GIGYF2: variants seen among roughly 807,000 people sequenced by gnomAD.
GIGYF2 encodes GRB10 interacting GYF protein 2.
In GIGYF2, 25 loss-of-function variants were observed where a neutral mutation model predicts 208.1. The ratio of observed to expected loss-of-function variants is 0.12; its 90% CI spans 0.09 to 0.17. GIGYF2 has a LOEUF of 0.17. Ranked by LOEUF, GIGYF2 falls within the 10% of genes least tolerant of loss-of-function variation. The probability of loss-of-function intolerance (pLI) is 1.00; values close to 1 mark genes in which losing one functional copy is unlikely to be tolerated. For synonymous variants in GIGYF2, 534 were observed against 543.8 expected (o/e 0.98, Z 0.25); for missense variants, 1,302 against 1,579.4 (o/e 0.82, Z 2.98).
intron 2 of GIGYF2, among the ~76,000 whole-genome samples, chr2:232,714,060 C>G (rs1696558305): frequency 6.6e-6 from 1 of 151,806 alleles, no homozygotes; most frequent in Non-Finnish European, 1.5e-5. Context: ...TGCCATTCTC[C>G]TGCCTCAGCC....
intron 21 of GIGYF2, among the ~76,000 whole-genome samples, chr2:232,820,779 A>G (rs772641009): frequency 6.6e-6 from 1 of 152,052 alleles, no homozygotes; most frequent in African/African-American, 2.4e-5. Flanking sequence ...GCGTAAATGT[A>G]TGGATTTATT....
intron 8 of GIGYF2, among the ~76,000 whole-genome samples, chr2:232,785,316 T>C (rs1699875876): frequency 6.6e-6 from 1 of 152,180 alleles, no homozygotes; most frequent in African/African-American, 2.4e-5. Context: ...TTAGCCTAGC[T>C]GGGTGGTTCT....
In GIGYF2 at chr2:232,847,396, T is replaced by G. The variant is rs1702043522; in HGVS notation, c.3509T>G (p.Val1170Gly). 6.2e-7 allele frequency: 1 copy of G among 1,612,140 alleles called. No homozygotes were observed. The highest frequency in any genetic ancestry group is 8.5e-7 in the Non-Finnish European group (1 of 1,178,294). The change falls in exon 27 of 29, where the codon GTC (valine) becomes GGC (glycine). Residue 1170 changes from valine to glycine, a missense_variant. By Grantham distance (109) the Val-to-Gly change is moderately radical. Around this residue, in one of 8 missense-constraint regions of GIGYF2, gnomAD observed 701 missense variants for 793.0 expected, o/e 0.88. Coordinates refer to ENST00000373563, the MANE Select transcript of GIGYF2 (RefSeq NM_001103146.3). ...AAAGAAGTAGAATCTCCTTATGAGGTCCATGATTATATCAGGGCCTATTTA... is the reference window on the plus strand; with the variant it reads ...AAAGAAGTAGAATCTCCTTATGAGGGCCATGATTATATCAGGGCCTATTTA... The part of the protein sequence containing the change: ...FLKEVESPYE[V>G]HDYIRAYLGD...
chr2:232,778,899 T>C (rs1574873723), intron 8 of GIGYF2, among the ~76,000 whole-genome samples: 1 of 152,308 alleles, frequency 6.6e-6, no homozygotes, highest in East Asian at 1.9e-4. Context: ...TAATCTCTTA[T>C]GTGATAAGGT....
intron 3 of GIGYF2, among the ~76,000 whole-genome samples, chr2:232,745,135 T>C (rs1344825659): frequency 6.6e-6 from 1 of 152,142 alleles, no homozygotes; most frequent in Non-Finnish European, 1.5e-5. Context: ...GACCATTCCT[T>C]TGTGGGTATG....
chr2:232,756,117 A>C, intron 5 of GIGYF2, 106 bp from the exon 6 acceptor site: 1 of 672,130 alleles, frequency 1.5e-6, no homozygotes, highest in Non-Finnish European at 2.6e-6. Flanking sequence ...CTTTTTATAG[A>C]TGCAGTAGGA....
intron 22 of GIGYF2, among the ~76,000 whole-genome samples, chr2:232,834,851 G>C (rs1479387115): frequency 6.6e-6 from 1 of 151,664 alleles, no homozygotes; most frequent in Non-Finnish European, 1.5e-5. Flanking sequence ...TTAACTAAAA[G>C]TTTTTTATAT....
At chr2:232,815,597 A>C in intron 18 of GIGYF2, 40 bp from the exon 19 acceptor site, 3 of 1,061,542 alleles carry the variant, frequency 2.8e-6, no homozygotes, top group Non-Finnish European at 4.4e-6. Context: ...CATGTGTGTA[A>C]GCTCTGTCAT....
chr2:232,706,945 CAAAAAAAAAAAAA>C (rs10612508), intron 2 of GIGYF2, among the ~76,000 whole-genome samples: 1 of 109,470 alleles, frequency 9.1e-6, no homozygotes, highest in Admixed American at 9.6e-5. Context: ...GACCTTGTCT[CAAAAAAAAAAAAA>C]AAAAAAAATT....
intron 16 of GIGYF2, 71 bp downstream of exon 16, chr2:232,809,882 C>G (rs1217833212): frequency 2.2e-6 from 2 of 906,756 alleles, no homozygotes; most frequent in South Asian, 2.6e-5. Context: ...GCTCTCAAGT[C>G]TCACCTTTTA....
intron 2 of GIGYF2, among the ~76,000 whole-genome samples, chr2:232,713,939 ATTTTTTTTTTTTCTCT>A (rs1023818204): frequency 7.4e-6 from 1 of 135,822 alleles, no homozygotes; most frequent in African/African-American, 2.7e-5. Flanking sequence ...TGAGGAACTG[ATTTTTTTTTTTTCTCT>A]TTTTTTTTTT....
chr2:232,764,839 CGTT>C (rs1313343671), intron 8 of GIGYF2, among the ~76,000 whole-genome samples: 1 of 152,034 alleles, frequency 6.6e-6, no homozygotes, highest in African/African-American at 2.4e-5. Context: ...CAAGTTTAGT[CGTT>C]GTTATTTGTG....
rs558462875 is a variant in GIGYF2, at chr2:232,718,646, G to A, written c.-44+15157G>A. On this transcript the variant is annotated intron_variant, in intron 2 of 28. Coordinates refer to ENST00000373563, the MANE Select transcript of GIGYF2 (RefSeq NM_001103146.3). ...ATACAGTTTAGATTTAATGGATATT[G>A]CCAATTCTTTTTGAAGTAGTTGAAC... Among the ~76,000 whole-genome samples, 145 of 152,282 alleles carry A rather than the reference G, an allele frequency of 9.5e-4. 1 individual carries two copies. The highest frequency in any genetic ancestry group is 3.3e-3 in the African/African-American group (139 of 41,554).
At chr2:232,838,248 G>GTATGTA (rs1027320682) in intron 22 of GIGYF2, among the ~76,000 whole-genome samples, 8 of 152,090 alleles carry the variant, frequency 5.3e-5, no homozygotes, top group Non-Finnish European at 8.8e-5. Flanking sequence ...AAGAGCGTGT[G>GTATGTA]TATGTATATG....
chr2:232,781,173 G>T (rs1699705771), intron 8 of GIGYF2, among the ~76,000 whole-genome samples: 1 of 151,964 alleles, frequency 6.6e-6, no homozygotes, highest in Non-Finnish European at 1.5e-5. Context: ...TGGCCAGGCT[G>T]GTCTCGAACT....
intron 2 of GIGYF2, among the ~76,000 whole-genome samples, chr2:232,732,530 G>C (rs74352004): frequency 6.6e-6 from 1 of 151,920 alleles, no homozygotes; most frequent in Non-Finnish European, 1.5e-5. Flanking sequence ...AACACAACTC[G>C]CACCCAGCCA....
intron 28 of GIGYF2, among the ~76,000 whole-genome samples, chr2:232,852,081 TGA>T (rs571540623): frequency 7.6e-4 from 116 of 152,204 alleles, no homozygotes; most frequent in African/African-American, 2.7e-3. Context: ...TTGACTGGGT[TGA>T]GTTTGAAATG....
At position 232,791,080 on chromosome 2, in the gene GIGYF2, T is replaced by G; in HGVS notation, c.1003T>G (p.Ser335Ala). The G allele has an allele frequency of 6.2e-7, 1 of 1,613,980 alleles. No homozygotes were observed. Among genetic ancestry groups the G allele is most frequent in the Non-Finnish European group, 8.5e-7 (1 of 1,179,912 alleles). ...GCCTGTGGACGAAGGGGAGGAGTGCTCTGACTCTGAGGGTAGCCATAATGA... is the reference window on the plus strand; with the variant it reads ...GCCTGTGGACGAAGGGGAGGAGTGCGCTGACTCTGAGGGTAGCCATAATGA... The part of the protein sequence containing the change: ...FRPVDEGEEC[S>A]DSEGSHNEEA... Residue 335 changes from serine (S) to alanine (A), a missense_variant, in exon 11 of 29, where the codon TCT becomes GCT. This residue lies in a region of GIGYF2 where 235 missense variants were observed against 218.8 expected (regional missense o/e 1.07). Transcript: ENST00000373563.
rs188420163 is a variant in GIGYF2, at chr2:232,798,346, A to T, written c.1639+2125A>T. On this transcript the variant is annotated intron_variant, in intron 14 of 28. Coordinates refer to ENST00000373563, the MANE Select transcript of GIGYF2 (RefSeq NM_001103146.3). ...TCTGGGTTGTTAAAGTTTTGGGGCTATAATGAATAAAGCTGCTATAAACAT... is the reference window on the plus strand; with the variant it reads ...TCTGGGTTGTTAAAGTTTTGGGGCTTTAATGAATAAAGCTGCTATAAACAT... Among the ~76,000 whole-genome samples, 7 of 152,366 alleles carry T rather than the reference A, an allele frequency of 4.6e-5. No homozygotes were observed. In the East Asian group the frequency reaches 9.6e-4, roughly 21 times the overall value.
Sources: allele counts gnomAD v4.1 joint callset (sites outside exome capture counted in the v4.1 genomes callset), GRCh38; gene constraint gnomAD v4.1.1; regional missense constraint gnomAD v4.1.1; transcripts MANE v1.5; gene names NCBI Gene and HGNC (gene_info 2026-07-23, HGNC 2026-07-21).